Variants in SRRM2 observed in about 807,000 individuals in gnomAD.
SRRM2 encodes serine/arginine repetitive matrix 2, also known as serine/arginine repetitive matrix protein 2.
A neutral mutation model predicts 213.8 loss-of-function variants in SRRM2; 30 were observed. The ratio of observed to expected loss-of-function variants is 0.14; its 90% CI spans 0.10 to 0.19. SRRM2 has a LOEUF of 0.19. SRRM2 is among the 10% of genes least tolerant of loss of function. SRRM2 has a pLI of 1.00. For missense variants in SRRM2, 4,904 were observed against 3,647.0 expected (o/e 1.34, Z -8.88); for synonymous variants, 2,025 against 1,377.7 (o/e 1.47, Z -10.40).
chr16:2,762,359 C>G lies in SRRM2; in HGVS notation c.1831C>G (p.Arg611Gly). ...TAGGTCTCGGTCTAGAACACCAGCC[C>G]GGAGGGGCAGGTCTCGGTCTAGAAC... ...RRRSRSRTPA[R>G]RGRSRSRTPA... is the part of the protein sequence containing the mutation. Residue 611 changes from arginine (R) to glycine (G), a missense_variant, in exon 11 of 15, where the codon CGG becomes GGG. Physicochemically the swap from Arg to Gly is moderately radical, Grantham distance 125. Transcript: ENST00000301740. 6.2e-7 allele frequency: 1 copy of G among 1,612,224 alleles called. No individual in the cohort carries two copies. The highest frequency in any genetic ancestry group is 8.5e-7 in the Non-Finnish European group (1 of 1,179,228).
In SRRM2 at chr16:2,763,341, C is replaced by G. The variant is rs557917196; in HGVS notation, c.2813C>G (p.Pro938Arg). 3 of 1,614,186 alleles carry G rather than the reference C, an allele frequency of 1.9e-6. No individual in the cohort carries two copies. Among genetic ancestry groups the G allele is most frequent in the African/African-American group, 1.3e-5 (1 of 75,030 alleles). Residue 938 changes from proline to arginine, a missense_variant, in exon 11 of 15, where the codon CCT (proline) becomes CGT (arginine). Transcript: ENST00000301740. Reference protein sequence around the residue: ...RSHSGSSSPSPSRVTSRTTPR... With the variant: ...RSHSGSSSPSRSRVTSRTTPR... ...CATTCTGGCTCCTCTTCTCCAAGTCCTAGTAGGGTGACGTCGAGAACAACT... is the reference window on the plus strand; with the variant it reads ...CATTCTGGCTCCTCTTCTCCAAGTCGTAGTAGGGTGACGTCGAGAACAACT...
chr16:2,762,780 A>C lies in SRRM2; in HGVS notation c.2252A>C (p.Lys751Thr), dbSNP rs1471518245. The C allele has an allele frequency of 6.2e-7, 1 of 1,614,048 alleles. No homozygotes were observed. The highest frequency in any genetic ancestry group is 1.3e-5 in the African/African-American group (1 of 74,906). Residue 751 changes from lysine (K) to threonine (T), a missense_variant, in exon 11 of 15, where the codon AAA (lysine) becomes ACA (threonine). Physicochemically the swap from Lys to Thr is moderately conservative, Grantham distance 78. Coordinates refer to ENST00000301740, the MANE Select transcript of SRRM2 (RefSeq NM_016333.4). ...TCCAATTCAAGCCCAGAAATGAAGA[A>C]ATCTCGCATTTCTTCAAGGCGGAGC... ...SRSNSSPEMKKSRISSRRSRS... is the reference protein window; with the variant it reads ...SRSNSSPEMKTSRISSRRSRS...
Position 2,767,501 on chromosome 16 carries a change from T to G in SRRM2, c.6973T>G (p.Ser2325Ala). 6.2e-7 allele frequency: 1 copy of G among 1,614,074 alleles called. No individual in the cohort carries two copies. The highest frequency in any genetic ancestry group is 1.3e-5 in the African/African-American group (1 of 75,004). The change falls in exon 11 of 15, where the codon TCC (serine) becomes GCC (alanine). Residue 2325 changes from serine to alanine, a missense_variant. Ser to Ala is a moderately conservative substitution (Grantham distance 99). Transcript: ENST00000301740. The stretch of plus-strand genomic sequence containing the variant: ...ACCACCAACTGCTGCAAACTATCCC[T>G]CCAGCTCCAGAACACCACAGGCTCC... ...GTPPTAANYP[S>A]SSRTPQAPAS... is the part of the protein sequence containing the mutation.
At chr16:2,768,801 G>A in intron 11 of SRRM2, 196 bp from the exon 12 acceptor site, 1 of 1,069,582 alleles carries the variant, frequency 9.3e-7, no homozygotes, top group South Asian at 1.4e-5. Context: ...GCGGGCCCCA[G>A]CCTGTTGCTT....
rs183624954 is a variant in SRRM2, at chr16:2,767,879, G to A, written c.7351G>A (p.Val2451Met). The change falls in exon 11 of 15, where the codon GTG (valine) becomes ATG (methionine). Residue 2451 changes from valine (V) to methionine (M), a missense_variant. Physicochemically the swap from Val to Met is conservative, Grantham distance 21. Coordinates refer to ENST00000301740, the MANE Select transcript of SRRM2 (RefSeq NM_016333.4). ...PPAQDQPRSPVPSAFSDQSRC... is the reference protein window; with the variant it reads ...PPAQDQPRSPMPSAFSDQSRC... ...AGCACAGGATCAGCCGAGGTCTCCT[G>A]TGCCTTCTGCTTTTTCAGACCAATC... 6.2e-6 allele frequency: 10 copies of A among 1,614,016 alleles called. 1 individual carries two copies. In the African/African-American group the frequency reaches 8.0e-5, roughly 13 times the overall value.
chr16:2,760,242 T>C, intron 9 of SRRM2, 59 bp from the exon 10 acceptor site: 1 of 1,543,684 alleles, frequency 6.5e-7, no homozygotes. Flanking sequence ...GAGGGGGTTT[T>C]CTGTTCTCCC....
At chr16:2,754,270 C>T (rs1340376789) in intron 1 of SRRM2, among the ~76,000 whole-genome samples, 2 of 151,776 alleles carry the variant, frequency 1.3e-5, no homozygotes, top group East Asian at 1.9e-4. Flanking sequence ...ACCTAATATC[C>T]TTTGCTTAGC....
chr16:2,758,622 A>G (rs1302264078), intron 5 of SRRM2, 75 bp downstream of exon 5: 3 of 1,429,036 alleles, frequency 2.1e-6, no homozygotes, highest in African/African-American at 1.4e-5. Flanking sequence ...GGAAGTGGAC[A>G]GTTCTGGCTT....
At chr16:2,768,683 G>A (rs1232993075) in intron 11 of SRRM2, 6 of 665,716 alleles carry the variant, frequency 9.0e-6, no homozygotes, top group Admixed American at 8.2e-5. Context: ...CCCAAGCTGC[G>A]GCTCTCCGAG....
Position 2,756,421 on chromosome 16 carries a change from C to G in SRRM2, c.57C>G (p.Val19=), listed in dbSNP as rs761370839. 9.9e-6 allele frequency: 16 copies of G among 1,612,048 alleles called. No individual in the cohort carries two copies. The highest frequency in any genetic ancestry group is 3.3e-5 in the Admixed American group (2 of 59,898). ...GGGGCAGCGGCACCAACGGCTACGT[C>G]CAGCGCAACCTGTCCCTGGTGCGGG... ...TPRGSGTNGY[V]QRNLSLVRGR... is the part of the protein sequence containing the mutation. Residue 19 remains valine, a synonymous_variant, in exon 2 of 15, where the codon GTC becomes GTG. Transcript: ENST00000301740.
chr16:2,757,990 T>TA (rs1172374656), intron 4 of SRRM2, 45 bp downstream of exon 4: 1 of 1,579,298 alleles, frequency 6.3e-7, no homozygotes, highest in African/African-American at 1.4e-5. Flanking sequence ...TTCTTGATTG[T>TA]AAGCTCCATG....
In SRRM2 at chr16:2,763,517, C is replaced by A; in HGVS notation, c.2989C>A (p.Pro997Thr). The A allele has an allele frequency of 6.2e-6, 10 of 1,614,092 alleles. No homozygotes were observed. Among genetic ancestry groups the A allele is most frequent in the Non-Finnish European group, 8.5e-6 (10 of 1,180,020 alleles). Residue 997 changes from proline (P) to threonine (T), a missense_variant, in exon 11 of 15, where the codon CCC (proline) becomes ACC (threonine). Coordinates refer to ENST00000301740, the MANE Select transcript of SRRM2 (RefSeq NM_016333.4). ...QSHSGSISPY[P>T]KVKAQTPPGP... ...TCACTCAGGGTCTATTTCACCATAC[C>A]CCAAAGTAAAGGCCCAAACTCCACC...
At position 2,757,952 on chromosome 16, in the gene SRRM2, A is replaced by G. The variant is rs549967868; in HGVS notation, c.515+7A>G. The G allele has an allele frequency of 2.5e-6, 4 of 1,602,854 alleles. No individual in the cohort carries two copies. In the South Asian group the frequency reaches 3.3e-5, roughly 13 times the overall value. ...AGCCTCCCAAACCTTACAGGTATAC[A>G]AGGCCAAGAAACCACTGTCAGCTTC... is the stretch of plus-strand genomic sequence containing the variant. On this transcript the variant is annotated splice_region_variant and intron_variant, in intron 4 of 14. Coordinates refer to ENST00000301740, the MANE Select transcript of SRRM2 (RefSeq NM_016333.4).
chr16:2,756,548 C>T lies in SRRM2; in HGVS notation c.184C>T (p.Arg62Cys), dbSNP rs752619082. Residue 62 changes from arginine to cysteine, a missense_variant, in exon 2 of 15, where the codon CGC (arginine) becomes TGC (cysteine). By Grantham distance (180) the Arg-to-Cys change is radical (BLOSUM62 -3). Transcript: ENST00000301740. ...TAATCCTGACATCCTGGACCACGAGCGCAAGCGGCGCGTCGAGCTGCGATG... is the reference window on the plus strand; with the variant it reads ...TAATCCTGACATCCTGGACCACGAGTGCAAGCGGCGCGTCGAGCTGCGATG... ...RPNPDILDHE[R>C]KRRVELRCLE... 1.9e-6 allele frequency: 3 copies of T among 1,614,038 alleles called. No homozygotes were observed. The highest frequency in any genetic ancestry group is 2.5e-6 in the Non-Finnish European group (3 of 1,179,988).
rs2068427144 is a variant in SRRM2, at chr16:2,763,296, T to A, written c.2768T>A (p.Ile923Lys). ...SSPQPKVKAI[I>K]SPRQRSHSGS... is the part of the protein sequence containing the mutation. ...CCACAACCCAAAGTGAAGGCAATAA[T>A]ATCACCAAGACAAAGAAGCCATTCT... Residue 923 changes from isoleucine (I) to lysine (K), a missense_variant, in exon 11 of 15, where the codon ATA (isoleucine) becomes AAA (lysine). By Grantham distance (102) the Ile-to-Lys change is moderately radical (BLOSUM62 -3). Coordinates refer to ENST00000301740, the MANE Select transcript of SRRM2 (RefSeq NM_016333.4). The A allele has an allele frequency of 6.2e-7, 1 of 1,614,066 alleles. No homozygotes were observed. The highest frequency in any genetic ancestry group is 8.5e-7 in the Non-Finnish European group (1 of 1,180,002).
rs146566461 is a variant in SRRM2 at position 2,768,033 on chromosome 16, C to T, written c.7505C>T (p.Pro2502Leu). The change falls in exon 11 of 15, where the codon CCC becomes CTC. Residue 2502 changes from proline to leucine, a missense_variant. Physicochemically the swap from Pro to Leu is moderately conservative, Grantham distance 98. Coordinates refer to ENST00000301740, the MANE Select transcript of SRRM2 (RefSeq NM_016333.4). ...CTCTCTGTCCCTGCCCCTGGGGTGC[C>T]CCACTCTGATGTGGGGGAGCCACCT... ...GMLSVPAPGV[P>L]HSDVGEPPAS... The T allele has an allele frequency of 5.0e-5, 81 of 1,614,190 alleles. 1 individual carries two copies. The African/African-American group carries it at 1.0e-3, about 20-fold the overall frequency.
Position 2,763,480 on chromosome 16 carries a change from G to A in SRRM2, c.2952G>A (p.Pro984=), listed in dbSNP as rs758934360. The change falls in exon 11 of 15, where the codon CCG becomes CCA. Residue 984 remains proline, a synonymous_variant. Transcript: ENST00000301740. ...ATACCAAAGTGAAACCTGAAACACC[G>A]CCAAGACAAAGTCACTCAGGGTCTA... ...SPDTKVKPET[P]PRQSHSGSIS... is the part of the protein sequence containing the mutation. 2.0e-5 allele frequency: 33 copies of A among 1,614,066 alleles called. No individual in the cohort carries two copies. The highest frequency in any genetic ancestry group is 2.0e-4 in the African/African-American group (15 of 75,004).
At position 2,770,730 on chromosome 16, in the gene SRRM2, G is replaced by C; in HGVS notation, c.8249+13G>C. On this transcript the variant is annotated intron_variant, in intron 14 of 14. Transcript: ENST00000301740. ...ACCGCTCCTCCAGGTGCGTGTCCTG[G>C]AAGGCTGATGCCCCCTTCCGGGAGC... 1.3e-6 allele frequency: 2 copies of C among 1,576,552 alleles called. No individual in the cohort carries two copies. Among genetic ancestry groups the C allele is most frequent in the Non-Finnish European group, 1.7e-6 (2 of 1,158,746 alleles).
intron 1 of SRRM2, among the ~76,000 whole-genome samples, chr16:2,754,326 C>T (rs1326248325): frequency 2.6e-5 from 4 of 151,202 alleles, no homozygotes; most frequent in Non-Finnish European, 5.9e-5. Flanking sequence ...CGGAGTCTAG[C>T]TCTGTTGGCA....
Sources: allele counts gnomAD v4.1 joint callset (sites outside exome capture counted in the v4.1 genomes callset), GRCh38; gene constraint gnomAD v4.1.1; transcripts MANE v1.5; gene names NCBI Gene and HGNC (gene_info 2026-07-23, HGNC 2026-07-21).